The following PTPRG variants were observed in gnomAD, a reference collection of about 807,000 sequenced individuals.
PTPRG encodes protein tyrosine phosphatase receptor type G, also known as receptor-type tyrosine-protein phosphatase gamma.
In PTPRG, 102 loss-of-function variants were observed where a neutral mutation model predicts 165.3. The observed-to-expected ratio is 0.62, with a 90% CI of 0.53 to 0.73. The LOEUF (loss-of-function observed/expected upper bound fraction) is 0.73, where lower values mean the gene tolerates loss of function less well. Ranked by LOEUF, PTPRG falls within the 30% of genes least tolerant of loss-of-function variation. PTPRG has a pLI of 0.00. For synonymous variants in PTPRG, 675 were observed against 669.5 expected, an observed-to-expected ratio of 1.01 and a Z score of -0.13; for missense variants, 1,866 against 1,861.4, an observed-to-expected ratio of 1.00 and a Z score of -0.05.
intron 2 of PTPRG, among the ~76,000 whole-genome samples, chr3:61,882,866 C>A (rs967660323): frequency 1.3e-5 from 2 of 152,186 alleles, no homozygotes; most frequent in African/African-American, 4.8e-5. Flanking sequence ...CTTCTAAAAT[C>A]TCCTTCAGTA....
chr3:62,284,215 T>A (rs951394138), intron 28 of PTPRG, among the ~76,000 whole-genome samples: 1 of 152,170 alleles, frequency 6.6e-6, no homozygotes, highest in African/African-American at 2.4e-5. Flanking sequence ...TCTTATATTT[T>A]AGGGTAAGGA....
chr3:61,826,975 C>T (rs2036131737), intron 2 of PTPRG, among the ~76,000 whole-genome samples: 1 of 152,074 alleles, frequency 6.6e-6, no homozygotes, highest in Non-Finnish European at 1.5e-5. Flanking sequence ...ACTTATCCCG[C>T]CCTCTTCTAA....
intron 1 of PTPRG, among the ~76,000 whole-genome samples, chr3:61,612,361 G>A (rs115751237): frequency 1.8e-3 from 269 of 152,306 alleles, no homozygotes; most frequent in African/African-American, 6.3e-3. Context: ...AACCTTTGTC[G>A]TGACTCTACA....
rs574421710 is a variant in PTPRG at position 62,217,397 on chromosome 3, G to A, written c.2156-1454G>A. Among the ~76,000 whole-genome samples the A allele has an allele frequency of 5.3e-5, 8 of 152,282 alleles. No individual in the cohort carries two copies. The South Asian group carries it at 1.5e-3, about 28-fold the overall frequency. On this transcript the variant is annotated intron_variant, in intron 12 of 29. Coordinates refer to ENST00000474889, the MANE Select transcript of PTPRG (RefSeq NM_002841.4). The surrounding 1 kb of genome is among the most constrained non-coding windows in gnomAD (Gnocchi z 4.3). ...TGCATTAGAGGAAATCCAGTGAAAC[G>A]CATCGTAACACACTTCTTCCTGACT...
chr3:62,259,097 A>C (rs1304292576), intron 16 of PTPRG, among the ~76,000 whole-genome samples: 1 of 152,208 alleles, frequency 6.6e-6, no homozygotes, highest in Non-Finnish European at 1.5e-5. Flanking sequence ...GCTGTGCTAA[A>C]TTTGGGCTGG....
intron 2 of PTPRG, among the ~76,000 whole-genome samples, chr3:61,931,629 C>G (rs2039363620): frequency 6.6e-6 from 1 of 152,300 alleles, no homozygotes; most frequent in African/African-American, 2.4e-5. Flanking sequence ...CTAACCTTGA[C>G]TTTACTAATT....
Position 62,215,506 on chromosome 3 carries a change from C to G in PTPRG, c.2156-3345C>G, listed in dbSNP as rs1700473691. ...ACAGAAATTACCATTTGGAGACTGT[C>G]CACAGTGGGATTTCAGATAGGCTCC... On this transcript the variant is annotated intron_variant, in intron 12 of 29. Transcript: ENST00000474889. 3.3e-5 allele frequency among the ~76,000 whole-genome samples: 5 copies of G among 151,064 alleles called. No individual in the cohort carries two copies. In the South Asian group the frequency reaches 1.0e-3, roughly 32 times the overall value.
Position 62,271,776 on chromosome 3 carries a change from A to G in PTPRG, c.3182+221A>G, listed in dbSNP as rs1217297647. Among the ~76,000 whole-genome samples the G allele has an allele frequency of 1.3e-5, 2 of 152,110 alleles. No individual in the cohort carries two copies. The highest frequency in any genetic ancestry group is 2.9e-5 in the Non-Finnish European group (2 of 68,024). ...TTTTTAAAAAACTAGATCAATCCCTAGTTTTTATAAAATCTTCTTATTAAT... is the reference window on the plus strand; with the variant it reads ...TTTTTAAAAAACTAGATCAATCCCTGGTTTTTATAAAATCTTCTTATTAAT... On this transcript the variant is annotated intron_variant, in intron 21 of 29. Transcript: ENST00000474889. This position sits in a 1 kb window ranked among gnomAD's most constrained non-coding sequence, Gnocchi z 4.1.
intron 1 of PTPRG, among the ~76,000 whole-genome samples, chr3:61,663,918 T>C (rs1234273060): frequency 6.6e-6 from 1 of 152,132 alleles, no homozygotes; most frequent in Non-Finnish European, 1.5e-5. Flanking sequence ...GTTGTGCAGC[T>C]CGGTTCCTGA....
chr3:61,764,862 C>T (rs2033965167), intron 2 of PTPRG, among the ~76,000 whole-genome samples: 1 of 152,166 alleles, frequency 6.6e-6, no homozygotes, highest in South Asian at 2.1e-4. Context: ...AGTCTGCAGA[C>T]ATTTTTTGGT....
chr3:61,939,949 T>C (rs889736385), intron 2 of PTPRG, among the ~76,000 whole-genome samples: 2 of 122,214 alleles, frequency 1.6e-5, no homozygotes, highest in Non-Finnish European at 3.4e-5. Flanking sequence ...TTTTTTTTTT[T>C]TTTTTTTTTT....
chr3:61,667,117 CAA>C (rs943614651), intron 1 of PTPRG, among the ~76,000 whole-genome samples: 58 of 152,294 alleles, frequency 3.8e-4, no homozygotes, highest in African/African-American at 1.2e-3. Context: ...GGCTTGGAAA[CAA>C]GAGCGGAAAT....
Position 62,222,040 on chromosome 3 carries a change from G to T in PTPRG, c.2288+3057G>T, listed in dbSNP as rs548542657. On this transcript the variant is annotated intron_variant, in intron 13 of 29. Transcript: ENST00000474889. The surrounding 1 kb of genome is among the most constrained non-coding windows in gnomAD (Gnocchi z 4.5). The stretch of plus-strand genomic sequence containing the variant: ...GGTACTATCACTGTCCTTTCTATTT[G>T]ACCCACATTCTTTGACCAAGGAAGA... 1.7e-4 allele frequency among the ~76,000 whole-genome samples: 26 copies of T among 152,288 alleles called. No individual in the cohort carries two copies. In the South Asian group the frequency reaches 5.2e-3, roughly 30 times the overall value.
chr3:61,718,975 G>T (rs1285809086), intron 1 of PTPRG, among the ~76,000 whole-genome samples: 1 of 152,062 alleles, frequency 6.6e-6, no homozygotes, highest in Admixed American at 6.5e-5. Flanking sequence ...TGACTTAATG[G>T]ATTGTCCCCA....
chr3:61,897,942 T>G (rs548543953), intron 2 of PTPRG, among the ~76,000 whole-genome samples: 2 of 152,362 alleles, frequency 1.3e-5, no homozygotes, highest in Admixed American at 1.3e-4. Flanking sequence ...TAGGAGGTTT[T>G]TTTTCATGGA....
chr3:61,819,796 A>T (rs1319962584), intron 2 of PTPRG, among the ~76,000 whole-genome samples: 1 of 152,226 alleles, frequency 6.6e-6, no homozygotes, highest in East Asian at 1.9e-4. Flanking sequence ...GTAAATGGAG[A>T]TAAAAGGGGA....
chr3:61,588,840 A>G (rs1700500573), intron 1 of PTPRG, among the ~76,000 whole-genome samples: 2 of 152,216 alleles, frequency 1.3e-5, no homozygotes, highest in Non-Finnish European at 2.9e-5. Context: ...GTATGCATAG[A>G]TGCTCTGTTG....
At chr3:62,021,795 G>A (rs547886619) in intron 4 of PTPRG, among the ~76,000 whole-genome samples, 1 of 151,282 alleles carries the variant, frequency 6.6e-6, no homozygotes, top group South Asian at 2.1e-4. Context: ...TTCCTAATAT[G>A]GGGCTAATAC....
chr3:61,836,420 A>G (rs2036463527), intron 2 of PTPRG, among the ~76,000 whole-genome samples: 1 of 152,050 alleles, frequency 6.6e-6, no homozygotes, highest in African/African-American at 2.4e-5. Context: ...ATCTACAAAG[A>G]TGGTAGGCTC....
Sources: allele counts gnomAD v4.1 joint callset (sites outside exome capture counted in the v4.1 genomes callset), GRCh38; gene constraint gnomAD v4.1.1; non-coding constraint Gnocchi (gnomAD v3.1); transcripts MANE v1.5; gene names NCBI Gene and HGNC (gene_info 2026-07-23, HGNC 2026-07-21).